GEMIN7: variants seen among roughly 807,000 people sequenced by gnomAD.
GEMIN7 encodes the protein gem-associated protein 7.
GEMIN7 carries 7 observed loss-of-function variants against 7.8 expected under a neutral mutation model. The observed-to-expected ratio is 0.90, with a 90% CI of 0.51 to 1.69. GEMIN7 has a LOEUF of 1.69. Ranked by LOEUF, GEMIN7 falls within the 40% of genes most tolerant of loss-of-function variation. The pLI is 0.00. For synonymous variants in GEMIN7, 68 were observed against 72.4 expected, an observed-to-expected ratio of 0.94 and a Z score of 0.31; for missense variants, 159 against 176.2, an observed-to-expected ratio of 0.90 and a Z score of 0.55.
chr19:45,089,395 A>C (rs1307980081), intron 2 of GEMIN7, among the ~76,000 whole-genome samples: 1 of 152,206 alleles, frequency 6.6e-6, no homozygotes, highest in Admixed American at 6.5e-5. Flanking sequence ...TATAATCTGT[A>C]ACTATCATTA....
rs1206374120 is a variant in GEMIN7, at chr19:45,090,152, G to A, written c.38G>A (p.Arg13Gln). 1.2e-6 allele frequency: 2 copies of A among 1,613,508 alleles called. No homozygotes were observed. The highest frequency in any genetic ancestry group is 1.3e-5 in the African/African-American group (1 of 74,918). ...GTGAACATTCCCGTGCCTGTGCTCC[G>A]GCTGCCCCGGGGCCCTGATGGCTTC... ...TPVNIPVPVL[R>Q]LPRGPDGFSR... The change falls in exon 3 of 3, where the codon CGG becomes CAG. Residue 13 changes from arginine to glutamine, a missense_variant. Arg to Gln is a conservative substitution (Grantham distance 43, BLOSUM62 1). Coordinates refer to ENST00000270257, the MANE Select transcript of GEMIN7 (RefSeq NM_024707.3).
chr19:45,077,848 G>T (rs1425193550), upstream of GEMIN7, among the ~76,000 whole-genome samples: 7 of 151,176 alleles, frequency 4.6e-5, no homozygotes, highest in South Asian at 2.1e-4. Context: ...CTTCACTGCC[G>T]CCTCCTCTGA....
rs1427864957 is a variant in GEMIN7 at position 45,090,177 on chromosome 19, C to T, written c.63C>T (p.Phe21=). The T allele has an allele frequency of 5.0e-6, 8 of 1,614,198 alleles. No homozygotes were observed. The South Asian group carries it at 7.7e-5, about 16-fold the overall frequency. The change falls in exon 3 of 3, where the codon TTC becomes TTT. Residue 21 remains phenylalanine, a synonymous_variant. Transcript: ENST00000270257. ...GGCTGCCCCGGGGCCCTGATGGCTT[C>T]AGCCGTGGCTTTGCCCCTGATGGAC... ...VLRLPRGPDG[F]SRGFAPDGRR...
upstream of GEMIN7, chr19:45,076,240 G>A (rs368614638): frequency 1.3e-6 from 2 of 1,506,118 alleles, no homozygotes; most frequent in South Asian, 1.3e-5. The surrounding 1 kb of genome is among the most constrained non-coding windows in gnomAD (Gnocchi z 4.9). Context: ...CAGCCTTGGG[G>A]CCTGTTGGGG....
chr19:45,090,356 C>T lies in GEMIN7; in HGVS notation c.242C>T (p.Thr81Met), dbSNP rs1382780807. The T allele has an allele frequency of 1.4e-5, 22 of 1,614,182 alleles. No individual in the cohort carries two copies. The highest frequency in any genetic ancestry group is 1.8e-5 in the Non-Finnish European group (21 of 1,180,046). Reference sequence around the variant, plus strand: ...ATGGTGGGTCATCAGGTGAGCTTCACGTTGCACGAGGGTGTGCGTGTGGCC... The same window carrying T: ...ATGGTGGGTCATCAGGTGAGCTTCATGTTGCACGAGGGTGTGCGTGTGGCC... Reference protein sequence around the residue: ...LAMVGHQVSFTLHEGVRVAAH... With the variant: ...LAMVGHQVSFMLHEGVRVAAH... Residue 81 changes from threonine (T) to methionine (M), a missense_variant, in exon 3 of 3, where the codon ACG becomes ATG. Thr to Met is a moderately conservative substitution (Grantham distance 81, BLOSUM62 -1). Coordinates refer to ENST00000270257, the MANE Select transcript of GEMIN7 (RefSeq NM_024707.3).
chr19:45,075,995 G>A (rs906622980), upstream of GEMIN7: 26 of 1,568,938 alleles, frequency 1.7e-5, no homozygotes, highest in East Asian at 2.3e-5. Flanking sequence ...AAGGCAGGGC[G>A]AGGGGCCCAT....
chr19:45,083,984 G>A (rs866065637), intron 2 of GEMIN7, among the ~76,000 whole-genome samples: 1 of 152,074 alleles, frequency 6.6e-6, no homozygotes, highest in African/African-American at 2.4e-5. Flanking sequence ...GCCAAGGCGG[G>A]TGGATCACCT....
At position 45,085,863 on chromosome 19, in the gene GEMIN7, C is replaced by CTT. The variant is rs869044428; in HGVS notation, c.-8-4223_-8-4222dup. Among the ~76,000 whole-genome samples, 372 of 88,356 alleles carry CTT rather than the reference C, an allele frequency of 4.2e-3. 6 individuals are homozygous for CTT. The highest frequency in any genetic ancestry group is 5.2e-3 in the Non-Finnish European group (250 of 48,190). 58.0% of individuals were successfully genotyped at this position (88,356 alleles called of 152,430 possible). A position where few individuals can be genotyped will look rare whatever the true frequency, so the allele number is the denominator to read the frequency against. ...TCGGGAGACTGAGGCACAAGAATCT[C>CTT]TTTTTTTTTTTTTTTTTTTTTTGAG... On this transcript the variant is annotated intron_variant, in intron 2 of 2. Transcript: ENST00000270257.
At chr19:45,082,608 T>C (rs1360351851) in intron 2 of GEMIN7, among the ~76,000 whole-genome samples, 1 of 151,962 alleles carries the variant, frequency 6.6e-6, no homozygotes, top group Non-Finnish European at 1.5e-5. Flanking sequence ...TGCTAGATAA[T>C]GTGGATGAGT....
Position 45,090,911 on chromosome 19 carries a change from C to CGGG in GEMIN7, c.*401_*402insGGG. ...CCTCCTGCTAAAGAACCAGTTACCCCAGGAAAATTCGACTCCTGTTTTTCT... is the reference window on the plus strand; with the variant it reads ...CCTCCTGCTAAAGAACCAGTTACCCCGGGAGGAAAATTCGACTCCTGTTTTTCT... On this transcript the variant is annotated 3_prime_UTR_variant, in exon 3 of 3. Transcript: ENST00000270257. 1 of 187,288 alleles carries CGGG rather than the reference C, an allele frequency of 5.3e-6. No homozygotes were observed. The highest frequency in any genetic ancestry group is 1.3e-5 in the Non-Finnish European group (1 of 79,236). 11.6% of individuals were successfully genotyped at this position (187,288 alleles called of 1,614,324 possible).
chr19:45,080,633 T>C (rs1282361578), intron 2 of GEMIN7, among the ~76,000 whole-genome samples: 1 of 151,846 alleles, frequency 6.6e-6, no homozygotes, highest in African/African-American at 2.4e-5. Context: ...CCTCCCTCAG[T>C]CTCCCAAAGT....
intron 2 of GEMIN7, among the ~76,000 whole-genome samples, chr19:45,089,684 T>A (rs548658066): frequency 2.0e-4 from 31 of 151,908 alleles, no homozygotes; most frequent in Non-Finnish European, 2.6e-4. Flanking sequence ...TAATGTAAAA[T>A]ATATATATAT....
At chr19:45,085,055 G>A (rs1275452713) in intron 2 of GEMIN7, among the ~76,000 whole-genome samples, 1 of 152,176 alleles carries the variant, frequency 6.6e-6, no homozygotes, top group African/African-American at 2.4e-5. Flanking sequence ...TTACAGGCGT[G>A]AGCCACAGTG....
upstream of GEMIN7, chr19:45,076,463 G>C (rs1472979297): frequency 1.2e-5 from 12 of 996,328 alleles, no homozygotes; most frequent in South Asian, 1.5e-4. The surrounding 1 kb of genome is among the most constrained non-coding windows in gnomAD (Gnocchi z 4.9). Context: ...GACCGTGCGC[G>C]CTCAGGTGAG....
chr19:45,076,108 G>T (rs541472976), upstream of GEMIN7: 38 of 1,576,428 alleles, frequency 2.4e-5, no homozygotes, highest in East Asian at 8.1e-4. This position sits in a 1 kb window ranked among gnomAD's most constrained non-coding sequence, Gnocchi z 4.9. Flanking sequence ...CGTCCACAGG[G>T]TCCACGGGTT....
At chr19:45,077,465 C>A (rs1247362903), upstream of GEMIN7, among the ~76,000 whole-genome samples, 1 of 152,126 alleles carries the variant, frequency 6.6e-6, no homozygotes, top group Non-Finnish European at 1.5e-5. Context: ...GATGAGTATT[C>A]TTTTCTTCCT....
rs1967857299 is a variant in GEMIN7 at position 45,090,386 on chromosome 19, A to T, written c.272A>T (p.His91Leu). Residue 91 changes from histidine to leucine, a missense_variant, in exon 3 of 3, where the codon CAC (histidine) becomes CTC (leucine). His to Leu is a moderately conservative substitution (Grantham distance 99). Transcript: ENST00000270257. ...TLHEGVRVAAHFGATDLDVAN... is the reference protein window; with the variant it reads ...TLHEGVRVAALFGATDLDVAN... ...CACGAGGGTGTGCGTGTGGCCGCCCACTTTGGAGCCACCGACCTGGATGTG... is the reference window on the plus strand; with the variant it reads ...CACGAGGGTGTGCGTGTGGCCGCCCTCTTTGGAGCCACCGACCTGGATGTG... 1 of 1,614,018 alleles carries T rather than the reference A, an allele frequency of 6.2e-7. No individual in the cohort carries two copies. Among genetic ancestry groups the T allele is most frequent in the Admixed American group, 1.7e-5 (1 of 60,002 alleles).
chr19:45,081,108 C>T (rs1005269015), intron 2 of GEMIN7, among the ~76,000 whole-genome samples: 1 of 151,934 alleles, frequency 6.6e-6, no homozygotes, highest in African/African-American at 2.4e-5. Flanking sequence ...TCAAGATTAG[C>T]GTGGGCAATA....
chr19:45,077,349 C>T (rs558185811), upstream of GEMIN7, among the ~76,000 whole-genome samples: 9 of 152,330 alleles, frequency 5.9e-5, no homozygotes, highest in Admixed American at 5.2e-4. Context: ...AATAGCCAAG[C>T]AGCTCACCTG....
Sources: allele counts gnomAD v4.1 joint callset (sites outside exome capture counted in the v4.1 genomes callset), GRCh38; gene constraint gnomAD v4.1.1; non-coding constraint Gnocchi (gnomAD v3.1); transcripts MANE v1.5; gene names NCBI Gene and HGNC (gene_info 2026-07-23, HGNC 2026-07-21).